The following SEC24A variants were observed in gnomAD, a reference collection of about 807,000 sequenced individuals.
The protein encoded by SEC24A is protein transport protein Sec24A.
A neutral mutation model predicts 129.4 loss-of-function variants in SEC24A; 93 were observed. The ratio of observed to expected loss-of-function variants is 0.72; its 90% confidence interval spans 0.61 to 0.85. SEC24A has a LOEUF of 0.85. Among genes scored for constraint, SEC24A ranks in the 40% least tolerant of loss-of-function variants. The pLI, the probability that SEC24A is intolerant of heterozygous loss-of-function variation, is 0.00. For missense variants in SEC24A, 1,264 were observed against 1,307.4 expected, an observed-to-expected ratio of 0.97 and a Z score of 0.51; for synonymous variants, 460 against 467.3, an observed-to-expected ratio of 0.98 and a Z score of 0.20.
At chr5:134,712,528 A>G (rs540186580) in intron 18 of SEC24A, among the ~76,000 whole-genome samples, 2 of 151,580 alleles carry the variant, frequency 1.3e-5, no homozygotes, top group Non-Finnish European at 2.9e-5. Flanking sequence ...GGGATTACAG[A>G]CATGAGCCAC....
chr5:134,667,237 G>A (rs558140501), intron 3 of SEC24A, among the ~76,000 whole-genome samples: 2 of 151,930 alleles, frequency 1.3e-5, no homozygotes, highest in Admixed American at 6.6e-5. Flanking sequence ...GTTGCTATGC[G>A]GATTTTTTAA....
At chr5:134,708,085 C>T (rs1171006995) in intron 17 of SEC24A, among the ~76,000 whole-genome samples, 4 of 152,078 alleles carry the variant, frequency 2.6e-5, no homozygotes, top group African/African-American at 9.7e-5. Context: ...GCCAAGACCA[C>T]ACCACCGCAC....
At chr5:134,686,993 A>G (rs529670526) in intron 10 of SEC24A, 91 bp downstream of exon 10, 2 of 674,858 alleles carry the variant, frequency 3.0e-6, no homozygotes, top group African/African-American at 3.7e-5. Context: ...AAGCTGTATA[A>G]TTATGTTCTA....
At chr5:134,686,980 T>C (rs1751476551) in intron 10 of SEC24A, 78 bp downstream of exon 10, 2 of 786,538 alleles carry the variant, frequency 2.5e-6, no homozygotes, top group East Asian at 2.9e-5. Context: ...AATTAAAAAA[T>C]AAAAGCTGTA....
chr5:134,667,298 C>G (rs1236096531), intron 3 of SEC24A, among the ~76,000 whole-genome samples: 1 of 151,662 alleles, frequency 6.6e-6, no homozygotes, highest in Non-Finnish European at 1.5e-5. Context: ...TACTACTTTT[C>G]TTGACATGAT....
intron 19 of SEC24A, among the ~76,000 whole-genome samples, chr5:134,717,448 G>A (rs1002593486): frequency 2.6e-5 from 4 of 151,686 alleles, no homozygotes; most frequent in Non-Finnish European, 4.4e-5. Context: ...CGGAGGTTGC[G>A]GTGAGCCAAG....
chr5:134,657,841 T>C (rs1750299829), intron 1 of SEC24A, among the ~76,000 whole-genome samples: 1 of 152,226 alleles, frequency 6.6e-6, no homozygotes, highest in South Asian at 2.1e-4. Flanking sequence ...CTTTTCAAAG[T>C]GCTCGGATTA....
At chr5:134,720,317 A>G (rs78931554) in intron 20 of SEC24A, among the ~76,000 whole-genome samples, 21 of 152,348 alleles carry the variant, frequency 1.4e-4, no homozygotes, top group Non-Finnish European at 2.5e-4. Flanking sequence ...TATTCAGTAC[A>G]GTAACATGCT....
At chr5:134,709,519 C>T (rs961018425) in intron 18 of SEC24A, among the ~76,000 whole-genome samples, 3 of 152,120 alleles carry the variant, frequency 2.0e-5, no homozygotes, top group Admixed American at 2.0e-4. Context: ...TGCAAGAAGG[C>T]ACACATGCAC....
At chr5:134,672,081 G>A (rs539469748) in intron 4 of SEC24A, among the ~76,000 whole-genome samples, 195 bp downstream of exon 4, 2 of 151,964 alleles carry the variant, frequency 1.3e-5, no homozygotes, top group Admixed American at 6.6e-5. Context: ...GCAGTGGTGC[G>A]ATCATGGCTC....
intron 16 of SEC24A, among the ~76,000 whole-genome samples, chr5:134,704,568 A>G (rs1752097049): frequency 2.6e-5 from 4 of 152,146 alleles, no homozygotes; most frequent in African/African-American, 9.7e-5. Flanking sequence ...TGGAAGGCTG[A>G]CTAGGGAGGA....
intron 21 of SEC24A, among the ~76,000 whole-genome samples, chr5:134,722,902 C>G (rs577218823): frequency 6.6e-6 from 1 of 152,116 alleles, no homozygotes; most frequent in African/African-American, 2.4e-5. Context: ...ACCTGTTATC[C>G]CAGAACTTTG....
In SEC24A at chr5:134,701,108, A is replaced by G. The variant is rs1256265021; in HGVS notation, c.2267-2651A>G. 6 of 152,118 alleles carry G rather than the reference A, an allele frequency of 3.9e-5. No individual in the cohort carries two copies. In the East Asian group the frequency reaches 1.2e-3, roughly 29 times the overall value. The allele number at this position is 152,118 out of a possible 1,614,324, so 9.4% of individuals were successfully genotyped here. A position where few individuals can be genotyped will look rare whatever the true frequency, so the allele number is the denominator to read the frequency against. ...GTGATCCACCCGCCTCGGCCTCCCA[A>G]AGTGCTGGGATTACAGGCATGAGCT... On this transcript the variant is annotated intron_variant, in intron 15 of 22. Transcript: ENST00000398844.
chr5:134,670,686 T>C (rs1750824277), intron 3 of SEC24A, among the ~76,000 whole-genome samples: 1 of 152,136 alleles, frequency 6.6e-6, no homozygotes, highest in South Asian at 2.1e-4. Context: ...CCACTCTCAT[T>C]GTTAGATATT....
Position 134,718,163 on chromosome 5 carries a change from A to T in SEC24A, c.2960A>T (p.Asp987Val). The T allele has an allele frequency of 6.2e-7, 1 of 1,612,588 alleles. No homozygotes were observed. The highest frequency in any genetic ancestry group is 2.2e-5 in the East Asian group (1 of 44,872). ...KLSRDGAFLM[D>V]AGSVLMLWVG... is the part of the protein sequence containing the mutation. ...AGCAGAGATGGAGCTTTCCTCATGG[A>T]TGCAGGCTCTGTAAGTAATTTGACT... The change falls in exon 20 of 23, where the codon GAT (aspartate) becomes GTT (valine). Residue 987 changes from aspartate to valine, a missense_variant. Coordinates refer to ENST00000398844, the MANE Select transcript of SEC24A (RefSeq NM_021982.3).
chr5:134,692,488 G>T (rs1751691096), intron 11 of SEC24A, 114 bp from the exon 12 acceptor site: 1 of 610,460 alleles, frequency 1.6e-6, no homozygotes, highest in African/African-American at 1.9e-5. Context: ...TATAATAGTG[G>T]AGGAGGTGGC....
chr5:134,707,909 A>C (rs1041671000), intron 17 of SEC24A, among the ~76,000 whole-genome samples: 7 of 152,096 alleles, frequency 4.6e-5, no homozygotes, highest in African/African-American at 1.7e-4. Context: ...CTGTCTAAAT[A>C]AGAGGCCAAC....
In SEC24A at chr5:134,651,989, A is replaced by G. The variant is rs1283782536; in HGVS notation, c.97+2816A>G. 2.0e-5 allele frequency among the ~76,000 whole-genome samples: 3 copies of G among 149,976 alleles called. No homozygotes were observed. The Admixed American group carries it at 2.0e-4, about 10-fold the overall frequency. On this transcript the variant is annotated intron_variant, in intron 1 of 22. Transcript: ENST00000398844. ...CTTTTGTTGCCCAGGCTAGAGTGCA[A>G]TGGCTCATTGCAACCTCTGCCTCCC...
At chr5:134,707,621 G>A (rs903419544) in intron 17 of SEC24A, among the ~76,000 whole-genome samples, 5 of 152,064 alleles carry the variant, frequency 3.3e-5, no homozygotes, top group Admixed American at 1.3e-4. Context: ...GAGCCACCGC[G>A]CCTGGCCTAT....
Sources: gnomAD v4.1 joint callset for allele counts (sites outside exome capture counted in the v4.1 genomes callset) on GRCh38, gnomAD v4.1.1 for gene constraint, MANE v1.5 for transcripts, NCBI Gene and HGNC (gene_info 2026-07-23, HGNC 2026-07-21) for gene names.